ETV5: variants seen among roughly 807,000 people sequenced by gnomAD.
ETV5 encodes the protein ETS translocation variant 5.
Under a neutral mutation model 70.0 loss-of-function variants are expected in ETV5, and 10 were observed. That is an observed-to-expected ratio of 0.14 (90% CI 0.09 to 0.24). The LOEUF is 0.24. Ranked by LOEUF, ETV5 falls within the 10% of genes least tolerant of loss-of-function variation. The pLI, the probability that ETV5 is intolerant of heterozygous loss-of-function variation, is 1.00. For missense variants in ETV5, 453 were observed against 651.2 expected (o/e 0.70, Z 3.31); for synonymous variants, 216 against 242.2 (o/e 0.89, Z 1.01).
At position 186,052,232 on chromosome 3, in the gene ETV5, G is replaced by T; in HGVS notation, c.1210-101C>A. The T allele has an allele frequency of 9.4e-7, 1 of 1,065,836 alleles. No homozygotes were observed. Among genetic ancestry groups the T allele is most frequent in the Non-Finnish European group, 1.4e-6 (1 of 700,484 alleles). 66.0% of individuals were successfully genotyped at this position (1,065,836 alleles called of 1,614,324 possible). A position where few individuals can be genotyped will look rare whatever the true frequency, so the allele number is the denominator to read the frequency against. On this transcript the variant is annotated intron_variant, in intron 11 of 12. Transcript: ENST00000306376. The surrounding 1 kb of genome is among the most constrained non-coding windows in gnomAD (Gnocchi z 4.5). ...CCAGTTCTGTAACCTGACTGCTTTG[G>T]TCAATGATCTGCTACTCTGACCTGG...
chr3:186,054,701 C>T lies in ETV5; in HGVS notation c.1209+2374G>A, dbSNP rs527314879. Among the ~76,000 whole-genome samples, 1 of 152,306 alleles carries T rather than the reference C, an allele frequency of 6.6e-6. No individual in the cohort carries two copies. The highest frequency in any genetic ancestry group is 1.5e-5 in the Non-Finnish European group (1 of 68,030). ...AATTACGTCCCAACAGCTTCCTCCT[C>T]CGCTTCACCCTTCAAGCTCCCCCAT... On this transcript the variant is annotated intron_variant, in intron 11 of 12. Coordinates refer to ENST00000306376, the MANE Select transcript of ETV5 (RefSeq NM_004454.3). This position sits in a 1 kb window ranked among gnomAD's most constrained non-coding sequence, Gnocchi z 4.4.
chr3:186,087,267 T>C (rs1429749434), intron 5 of ETV5, among the ~76,000 whole-genome samples: 2 of 152,134 alleles, frequency 1.3e-5, no homozygotes, highest in African/African-American at 2.4e-5. Flanking sequence ...GCCATGTAAG[T>C]CCATTTATAT....
At chr3:186,059,850 AGAAGTTT>A (rs1713262119) in intron 9 of ETV5, among the ~76,000 whole-genome samples, 2 of 152,372 alleles carry the variant, frequency 1.3e-5, no homozygotes, top group Non-Finnish European at 2.9e-5. Context: ...TGAATAAATG[AGAAGTTT>A]TATAGTCTTC....
At chr3:186,073,585 A>T (rs1171479044) in intron 7 of ETV5, among the ~76,000 whole-genome samples, 1 of 152,236 alleles carries the variant, frequency 6.6e-6, no homozygotes, top group Non-Finnish European at 1.5e-5. Flanking sequence ...AATAAAAATC[A>T]TATAGTCCAG....
intron 5 of ETV5, among the ~76,000 whole-genome samples, chr3:186,104,306 T>C (rs571003687): frequency 6.6e-6 from 1 of 152,266 alleles, no homozygotes; most frequent in South Asian, 2.1e-4. Context: ...AAAAGATCAG[T>C]GCAAAGTAAC....
chr3:186,078,035 G>A (rs1488137920), intron 7 of ETV5: 4 of 1,057,474 alleles, frequency 3.8e-6, no homozygotes, highest in Admixed American at 1.1e-4. Context: ...ACACCCACGG[G>A]CAAATAACTC....
intron 5 of ETV5, among the ~76,000 whole-genome samples, chr3:186,095,929 G>A (rs563161768): frequency 1.4e-3 from 218 of 152,350 alleles, no homozygotes; most frequent in African/African-American, 5.1e-3. Context: ...GGTGTCCACA[G>A]TGCGCAGAGC....
At chr3:186,072,556 A>G (rs986593709) in intron 7 of ETV5, among the ~76,000 whole-genome samples, 2 of 152,180 alleles carry the variant, frequency 1.3e-5, no homozygotes, top group Admixed American at 6.5e-5. Flanking sequence ...CAACTTCACA[A>G]TGATGTTTAT....
intron 5 of ETV5, among the ~76,000 whole-genome samples, chr3:186,089,902 T>C (rs1714140680): frequency 6.6e-6 from 1 of 152,216 alleles, no homozygotes; most frequent in Non-Finnish European, 1.5e-5. Context: ...TAAAAGTTAA[T>C]TTTCTCAGGC....
At chr3:186,048,885 G>A (rs771765418) in intron 12 of ETV5, 25 bp from the exon 13 acceptor site, 1 of 1,591,566 alleles carries the variant, frequency 6.3e-7, no homozygotes, top group Non-Finnish European at 8.6e-7. Context: ...ACACCTTACA[G>A]GGCCCAGTTG....
chr3:186,103,620 A>AACACACACACACACACACAC (rs10534124), intron 5 of ETV5, among the ~76,000 whole-genome samples: 43 of 142,966 alleles, frequency 3.0e-4, no homozygotes, highest in Admixed American at 7.5e-4. Context: ...TCATCTTGCA[A>AACACACACACACACACACAC]ACACACACAC....
chr3:186,079,230 A>C, intron 7 of ETV5: 1 of 334,612 alleles, frequency 3.0e-6, no homozygotes, highest in East Asian at 6.1e-5. Context: ...TTTTTTGACA[A>C]ATGAATGACT....
At chr3:186,097,593 TAC>T (rs1267202478) in intron 5 of ETV5, among the ~76,000 whole-genome samples, 3 of 152,144 alleles carry the variant, frequency 2.0e-5, no homozygotes, top group Non-Finnish European at 2.9e-5. Flanking sequence ...TTTAGACAGC[TAC>T]AGTCTAAAAT....
At chr3:186,107,258 ACAC>A (rs775162855) in intron 1 of ETV5, among the ~76,000 whole-genome samples, 2 of 152,176 alleles carry the variant, frequency 1.3e-5, no homozygotes, top group Non-Finnish European at 2.9e-5. Context: ...CCCCGTCCAA[ACAC>A]CACAAGAAAT....
At chr3:186,097,136 T>G (rs1578560552) in intron 5 of ETV5, among the ~76,000 whole-genome samples, 1 of 152,120 alleles carries the variant, frequency 6.6e-6, no homozygotes, top group Non-Finnish European at 1.5e-5. Context: ...AGAGGCTGGG[T>G]TTTTCTGGTA....
At chr3:186,089,942 G>A (rs61247265) in intron 5 of ETV5, among the ~76,000 whole-genome samples, 3,424 of 152,238 alleles carry the variant, frequency 0.022, 134 homozygotes, top group African/African-American at 0.076. Flanking sequence ...CTGTGGAGAC[G>A]CACACCAGGG....
intron 5 of ETV5, among the ~76,000 whole-genome samples, chr3:186,083,200 C>T (rs995064733): frequency 6.6e-6 from 1 of 152,250 alleles, no homozygotes; most frequent in Non-Finnish European, 1.5e-5. Context: ...CCCGTGGTCA[C>T]TGCCCTTCCT....
Position 186,063,296 on chromosome 3 carries a change from A to T in ETV5, c.970+1121T>A, listed in dbSNP as rs1185326376. On this transcript the variant is annotated intron_variant, in intron 9 of 12. Transcript: ENST00000306376. Reference sequence around the variant, plus strand: ...ACAACAACAACAACAAAAAAAGATGAAAAAAAGCAAGCTCCTCCAAGAAAC... The same window carrying T: ...ACAACAACAACAACAAAAAAAGATGTAAAAAAGCAAGCTCCTCCAAGAAAC... 3.9e-5 allele frequency among the ~76,000 whole-genome samples: 6 copies of T among 152,184 alleles called. No individual in the cohort carries two copies. In the East Asian group the frequency reaches 1.2e-3, roughly 29 times the overall value.
intron 7 of ETV5, among the ~76,000 whole-genome samples, chr3:186,074,684 T>C (rs1713734509): frequency 1.3e-5 from 2 of 151,846 alleles, no homozygotes; most frequent in Admixed American, 1.3e-4. Context: ...GAGGACGAGA[T>C]GGGTGGATCA....
Sources: gnomAD v4.1 joint callset for allele counts (sites outside exome capture counted in the v4.1 genomes callset) on GRCh38, gnomAD v4.1.1 for gene constraint, Gnocchi (gnomAD v3.1) non-coding constraint, MANE v1.5 for transcripts, NCBI Gene and HGNC (gene_info 2026-07-23, HGNC 2026-07-21) for gene names.